Variants in ARAP1 observed in about 807,000 individuals in gnomAD.
ARAP1 encodes the protein arf-GAP with Rho-GAP domain, ANK repeat and PH domain-containing protein 1.
Under a neutral mutation model 172.2 loss-of-function variants are expected in ARAP1, and 76 were observed. The observed-to-expected ratio is 0.44, with a 90% confidence interval of 0.37 to 0.53. The LOEUF (loss-of-function observed/expected upper bound fraction) is 0.53, where lower values mean the gene tolerates loss of function less well. Among genes scored for constraint, ARAP1 ranks in the 20% least tolerant of loss-of-function variants. The probability of loss-of-function intolerance (pLI) is 0.00; values close to 1 mark genes in which losing one functional copy is unlikely to be tolerated. For synonymous variants in ARAP1, 804 were observed against 803.3 expected (o/e 1.00, Z -0.01); for missense variants, 1,686 against 1,977.5 (o/e 0.85, Z 2.80).
At chr11:72,731,905 T>C (rs560183553) in intron 2 of ARAP1, among the ~76,000 whole-genome samples, 1 of 152,306 alleles carries the variant, frequency 6.6e-6, no homozygotes, top group African/African-American at 2.4e-5. Flanking sequence ...GATTCTAAAG[T>C]TCATATAAAA....
chr11:72,713,113 T>C (rs1857105829), intron 5 of ARAP1, 63 bp downstream of exon 5: 1 of 1,548,918 alleles, frequency 6.5e-7, no homozygotes, highest in Non-Finnish European at 8.9e-7. Flanking sequence ...CCTCAGGGTC[T>C]GACAGGCAGC....
rs764907949 is a variant in ARAP1, at chr11:72,692,839, C to T, written c.3955-54G>A. On this transcript the variant is annotated intron_variant, in intron 29 of 34. Transcript: ENST00000393609. ...AGAAGTCCCAGGTCTAGAGCCAGGACAGCATGTGCAGTGATGTGTGGGGTT... is the reference window on the plus strand; with the variant it reads ...AGAAGTCCCAGGTCTAGAGCCAGGATAGCATGTGCAGTGATGTGTGGGGTT... 170 of 1,605,706 alleles carry T rather than the reference C, an allele frequency of 1.1e-4. 1 individual carries two copies. The highest frequency in any genetic ancestry group is 4.9e-4 in the Middle Eastern group (3 of 6,074).
chr11:72,739,281 C>A (rs1471142464), intron 1 of ARAP1, among the ~76,000 whole-genome samples: 2 of 152,196 alleles, frequency 1.3e-5, no homozygotes, highest in African/African-American at 4.8e-5. Context: ...CCCCAGGCCG[C>A]ATCTCTGCCC....
At position 72,712,391 on chromosome 11, in the gene ARAP1, C is replaced by T. The variant is rs200862533; in HGVS notation, c.878+47G>A. On this transcript the variant is annotated intron_variant, in intron 6 of 34. Transcript: ENST00000393609. Reference sequence around the variant, plus strand: ...CCGGGCTGAGGAGGCAAGGAGGGGGCGGGCTGAGGTTGGGCTCAGTGGGAA... The same window carrying T: ...CCGGGCTGAGGAGGCAAGGAGGGGGTGGGCTGAGGTTGGGCTCAGTGGGAA... 829 of 1,524,794 alleles carry T rather than the reference C, an allele frequency of 5.4e-4. 3 individuals carry two copies. In the African/African-American group the frequency reaches 8.8e-3, roughly 16 times the overall value. 94.5% of individuals were successfully genotyped at this position (1,524,794 alleles called of 1,614,324 possible).
In ARAP1 at chr11:72,695,218, AGAGGGGTATTT is replaced by A. The variant is rs1856129351; in HGVS notation, c.3577-132_3577-122del. On this transcript the variant is annotated intron_variant, in intron 26 of 34. Transcript: ENST00000393609. This position sits in a 1 kb window ranked among gnomAD's most constrained non-coding sequence, Gnocchi z 4.4. ...AGGCCCTTCTGGAGTCCTGGGATAG[AGAGGGGTATTT>A]CTGAGTGGTCCTTAGGAGCAGACCC... 12 of 1,339,266 alleles carry A rather than the reference AGAGGGGTATTT, an allele frequency of 9.0e-6. No individual in the cohort carries two copies. The highest frequency in any genetic ancestry group is 1.3e-5 in the Non-Finnish European group (12 of 951,618). 83.0% of individuals were successfully genotyped at this position (1,339,266 alleles called of 1,614,324 possible). A position where few individuals can be genotyped will look rare whatever the true frequency, so the allele number is the denominator to read the frequency against.
At chr11:72,705,475 G>A (rs1856714603) in intron 13 of ARAP1, 1 of 271,536 alleles carries the variant, frequency 3.7e-6, no homozygotes, top group Non-Finnish European at 7.0e-6. Flanking sequence ...AATTAGATCA[G>A]AAGTTAGCAA....
In ARAP1 at chr11:72,704,344, T is replaced by C. The variant is rs1856656530; in HGVS notation, c.1810-10A>G. 3.2e-6 allele frequency: 5 copies of C among 1,553,132 alleles called. No homozygotes were observed. The highest frequency in any genetic ancestry group is 4.3e-6 in the Non-Finnish European group (5 of 1,150,918). On this transcript the variant is annotated splice_polypyrimidine_tract_variant and intron_variant, in intron 13 of 34. Transcript: ENST00000393609. Reference sequence around the variant, plus strand: ...CCAGCTGTAAGAAGAGCTGTGGGGGTGTGCAGGAGGTCAGACGGGCCAGCT... The same window carrying C: ...CCAGCTGTAAGAAGAGCTGTGGGGGCGTGCAGGAGGTCAGACGGGCCAGCT...
At chr11:72,712,725 A>C (rs1857083916) in intron 5 of ARAP1, 157 bp from the exon 6 acceptor site, 2 of 1,241,470 alleles carry the variant, frequency 1.6e-6, no homozygotes, top group Non-Finnish European at 2.3e-6. Context: ...GCCAGCGGAG[A>C]CCACACAGAG....
Position 72,686,158 on chromosome 11 carries a change from G to T in ARAP1, c.4219C>A (p.Arg1407Ser). Residue 1407 changes from arginine (R) to serine (S), a missense_variant, in exon 34 of 35, where the codon CGC (arginine) becomes AGC (serine). Physicochemically the swap from Arg to Ser is moderately radical, Grantham distance 110 (BLOSUM62 -1). Transcript: ENST00000393609. ...DGLVWPSEPS[R>S]VSRAVPEVRL... The stretch of plus-strand genomic sequence containing the variant: ...ACCTCAGGCACTGCCCGGGACACGC[G>T]TGAGGGCTCTGAGGGCCACACCAGG... 6.2e-7 allele frequency: 1 copy of T among 1,613,878 alleles called. No homozygotes were observed. The highest frequency in any genetic ancestry group is 8.5e-7 in the Non-Finnish European group (1 of 1,180,004).
chr11:72,699,259 G>T lies in ARAP1; in HGVS notation c.2439-152C>A. Reference sequence around the variant, plus strand: ...CTAAGAGGTGGTGGAAAAGTCTTGGGCTGGGGCCTCAAGAGACTGGAGTCG... The same window carrying T: ...CTAAGAGGTGGTGGAAAAGTCTTGGTCTGGGGCCTCAAGAGACTGGAGTCG... On this transcript the variant is annotated intron_variant, in intron 17 of 34. Coordinates refer to ENST00000393609, the MANE Select transcript of ARAP1 (RefSeq NM_001040118.3). This position sits in a 1 kb window ranked among gnomAD's most constrained non-coding sequence, Gnocchi z 4.2. The T allele has an allele frequency of 7.1e-7, 1 of 1,402,756 alleles. No homozygotes were observed. The highest frequency in any genetic ancestry group is 9.7e-7 in the Non-Finnish European group (1 of 1,025,898). The allele number at this position is 1,402,756 out of a possible 1,614,324, so 86.9% of individuals were successfully genotyped here.
At chr11:72,721,874 G>A (rs1231762441) in intron 3 of ARAP1, 24 of 985,596 alleles carry the variant, frequency 2.4e-5, no homozygotes, top group Non-Finnish European at 2.9e-5. Context: ...TGGGTCTTGG[G>A]GCTGAGGACT....
At chr11:72,711,358 G>T in intron 8 of ARAP1, 72 bp downstream of exon 8, 1 of 1,548,646 alleles carries the variant, frequency 6.5e-7, no homozygotes, top group Non-Finnish European at 8.9e-7. Context: ...GGGGAGGGAC[G>T]CCACCTCGCT....
intron 2 of ARAP1, among the ~76,000 whole-genome samples, chr11:72,728,943 G>T (rs1404673510): frequency 6.6e-6 from 1 of 152,174 alleles, no homozygotes; most frequent in Non-Finnish European, 1.5e-5. Context: ...GGAAAAATAA[G>T]CAGGAAGAGT....
intron 32 of ARAP1, 91 bp from the exon 33 acceptor site, chr11:72,687,593 G>T: frequency 6.2e-7 from 1 of 1,611,156 alleles, no homozygotes. Flanking sequence ...GTCTGCTAGT[G>T]GTCACAGATC....
intron 11 of ARAP1, chr11:72,708,389 TAA>T (rs2135533827): frequency 6.6e-6 from 1 of 152,366 alleles, no homozygotes; most frequent in South Asian, 2.1e-4. Flanking sequence ...TGTAGAACAC[TAA>T]GTCTACCTCT....
intron 22 of ARAP1, 90 bp from the exon 23 acceptor site, chr11:72,696,744 A>ACAG: frequency 8.8e-7 from 1 of 1,133,912 alleles, no homozygotes; most frequent in Admixed American, 2.6e-5. Context: ...ATGGTGGGTG[A>ACAG]CAGCAGTCCC....
chr11:72,705,983 G>A, intron 12 of ARAP1, 93 bp from the exon 13 acceptor site: 2 of 1,327,054 alleles, frequency 1.5e-6, no homozygotes, highest in Non-Finnish European at 2.1e-6. Flanking sequence ...AGGCAGGGAT[G>A]AGAGGCCACA....
At chr11:72,737,448 T>G (rs1858065583) in intron 1 of ARAP1, among the ~76,000 whole-genome samples, 2 of 151,956 alleles carry the variant, frequency 1.3e-5, no homozygotes, top group African/African-American at 2.4e-5. Flanking sequence ...GCCCAGCAAC[T>G]CCATGGTAAT....
chr11:72,748,444 C>T (rs1009658252), intron 1 of ARAP1, among the ~76,000 whole-genome samples: 3 of 151,424 alleles, frequency 2.0e-5, no homozygotes, highest in African/African-American at 7.3e-5. Context: ...CGCTTGAACC[C>T]GGGAGGCGGA....
Sources: allele counts gnomAD v4.1 joint callset (sites outside exome capture counted in the v4.1 genomes callset), GRCh38; gene constraint gnomAD v4.1.1; non-coding constraint Gnocchi (gnomAD v3.1); transcripts MANE v1.5; gene names NCBI Gene and HGNC (gene_info 2026-07-23, HGNC 2026-07-21).